Variants in SLC12A6 observed in about 807,000 individuals in gnomAD.
SLC12A6 encodes K-Cl cotransporter 3.
A neutral mutation model predicts 135.3 loss-of-function variants in SLC12A6; 66 were observed. The observed-to-expected ratio is 0.49, with a 90% confidence interval of 0.40 to 0.60. The LOEUF is 0.60. Ranked by LOEUF, SLC12A6 falls within the 20% of genes least tolerant of loss-of-function variation. The pLI is 0.00. For missense variants in SLC12A6, 1,058 were observed against 1,452.3 expected, an observed-to-expected ratio of 0.73 and a Z score of 4.41; for synonymous variants, 513 against 508.8, an observed-to-expected ratio of 1.01 and a Z score of -0.11.
chr15:34,308,051 T>C (rs1213754255), intron 2 of SLC12A6, among the ~76,000 whole-genome samples: 1 of 152,226 alleles, frequency 6.6e-6, no homozygotes, highest in Non-Finnish European at 1.5e-5. Flanking sequence ...AGAAAGAATT[T>C]AGTTTTTACT....
intron 3 of SLC12A6, among the ~76,000 whole-genome samples, chr15:34,271,630 G>C (rs557718475): frequency 3.1e-4 from 30 of 98,350 alleles, no homozygotes; most frequent in South Asian, 2.2e-3. Flanking sequence ...CACACACACA[G>C]AAAAGTTCAT....
intron 20 of SLC12A6, 98 bp downstream of exon 20, chr15:34,238,867 A>G (rs1891451895): frequency 9.4e-7 from 1 of 1,058,520 alleles, no homozygotes. Flanking sequence ...ATGCTTCAGC[A>G]ATGGCATAGT....
chr15:34,247,403 G>A (rs8043238), intron 13 of SLC12A6, among the ~76,000 whole-genome samples: 145,287 of 150,284 alleles, frequency 0.97, 70,396 homozygotes, highest in South Asian at 1. Context: ...TGTAGTCCCA[G>A]CTACTCGGGA....
chr15:34,321,751 T>C (rs1254704571), intron 2 of SLC12A6, among the ~76,000 whole-genome samples: 3 of 152,222 alleles, frequency 2.0e-5, no homozygotes, highest in East Asian at 1.9e-4. Flanking sequence ...AAGTGTGATA[T>C]AGTCATACAA....
intron 2 of SLC12A6, among the ~76,000 whole-genome samples, chr15:34,298,216 C>T (rs1490542855): frequency 6.6e-6 from 1 of 152,116 alleles, no homozygotes; most frequent in South Asian, 2.1e-4. Flanking sequence ...GCCGCTCACA[C>T]CTGTAATCCC....
At chr15:34,313,208 T>G (rs1042495947) in intron 2 of SLC12A6, among the ~76,000 whole-genome samples, 1 of 151,718 alleles carries the variant, frequency 6.6e-6, no homozygotes, top group African/African-American at 2.4e-5. Flanking sequence ...GCTATGTCTC[T>G]TGCACTAAAG....
Position 34,243,967 on chromosome 15 carries a change from G to C in SLC12A6, c.2042+7C>G, listed in dbSNP as rs759043234. 3.3e-6 allele frequency: 5 copies of C among 1,497,936 alleles called. No homozygotes were observed. In the South Asian group the frequency reaches 5.6e-5, roughly 17 times the overall value. The allele number at this position is 1,497,936 out of a possible 1,614,324, so 92.8% of individuals were successfully genotyped here. ...GTGAGTAAAAAGAATAAAAGAAGCA[G>C]ACTTACCAATGGTAGTAGCGGAATC... On this transcript the variant is annotated splice_region_variant and intron_variant, in intron 16 of 25. Transcript: ENST00000354181.
At chr15:34,238,206 T>G (rs1891404607) in intron 21 of SLC12A6, 26 bp downstream of exon 21, 1 of 1,558,234 alleles carries the variant, frequency 6.4e-7, no homozygotes. Context: ...GAAAGACTTT[T>G]GTAAAAAAAA....
chr15:34,285,704 G>T (rs900405177), intron 2 of SLC12A6, among the ~76,000 whole-genome samples: 1 of 628 alleles, frequency 1.6e-3, no homozygotes, highest in Non-Finnish European at 2.7e-3. Flanking sequence ...GTGTGTGTGT[G>T]TGTGTGTGTT....
chr15:34,293,010 G>A (rs1392221838), intron 2 of SLC12A6, among the ~76,000 whole-genome samples: 2 of 152,120 alleles, frequency 1.3e-5, no homozygotes, highest in African/African-American at 2.4e-5. Flanking sequence ...CTCACCCTCC[G>A]TGGGCTGCAC....
chr15:34,315,282 T>G (rs536703900), intron 2 of SLC12A6, among the ~76,000 whole-genome samples: 3 of 152,328 alleles, frequency 2.0e-5, no homozygotes, highest in African/African-American at 7.2e-5. Flanking sequence ...GTTGTTCTAT[T>G]TTAAGAAATT....
chr15:34,269,556 A>G lies in SLC12A6; in HGVS notation c.316+5789T>C, dbSNP rs115429668. On this transcript the variant is annotated intron_variant, in intron 3 of 25. Coordinates refer to ENST00000354181, the MANE Select transcript of SLC12A6 (RefSeq NM_001365088.1). ...CTTGGCACAGGTTTGGGTTTGTACT[A>G]TGTGACTATGTGAATCTGAAAGGTT... Among the ~76,000 whole-genome samples the G allele has an allele frequency of 6.9e-3, 1,046 of 152,300 alleles. 14 individuals carry two copies. The highest frequency in any genetic ancestry group is 0.023 in the African/African-American group (975 of 41,552).
In SLC12A6 at chr15:34,236,180, C is replaced by T. The variant is rs1891249984; in HGVS notation, c.3062G>A (p.Arg1021Gln). The change falls in exon 24 of 26, where the codon CGA (arginine) becomes CAA (glutamine). Residue 1021 changes from arginine to glutamine, a missense_variant. Around this residue, in one of 6 missense-constraint regions of SLC12A6, gnomAD observed 245 missense variants for 440.8 expected, o/e 0.56. Coordinates refer to ENST00000354181, the MANE Select transcript of SLC12A6 (RefSeq NM_001365088.1). ...RDREAQLVKDRNSMLRLTSIG... is the reference protein window; with the variant it reads ...RDREAQLVKDQNSMLRLTSIG... ...GCTGGTCAATCGTAGCATTGAGTTT[C>T]GGTCTTTCACCAATTGTGCCTGAGG... The T allele has an allele frequency of 1.9e-6, 3 of 1,613,848 alleles. No homozygotes were observed. Among genetic ancestry groups the T allele is most frequent in the South Asian group, 1.1e-5 (1 of 91,076 alleles).
intron 2 of SLC12A6, among the ~76,000 whole-genome samples, chr15:34,327,723 G>T (rs943725701): frequency 1.3e-5 from 2 of 152,018 alleles, no homozygotes; most frequent in African/African-American, 2.4e-5. Context: ...GTAAATTTTG[G>T]TTAGATTCAA....
chr15:34,243,303 G>A (rs917069267), intron 16 of SLC12A6, among the ~76,000 whole-genome samples: 4 of 152,104 alleles, frequency 2.6e-5, no homozygotes, highest in African/African-American at 7.2e-5. Flanking sequence ...GCCCACCATT[G>A]GTAAGTGAAG....
chr15:34,293,554 T>C (rs1272566021), intron 2 of SLC12A6, among the ~76,000 whole-genome samples: 1 of 152,252 alleles, frequency 6.6e-6, no homozygotes, highest in African/African-American at 2.4e-5. Context: ...CCTGTCTGCC[T>C]TGGCCTCCCA....
chr15:34,289,941 G>T (rs934111302), intron 2 of SLC12A6, among the ~76,000 whole-genome samples: 2 of 152,010 alleles, frequency 1.3e-5, no homozygotes, highest in African/African-American at 4.8e-5. Flanking sequence ...TGGATTCATT[G>T]ATTTTTTTAA....
rs746976148 is a variant in SLC12A6, at chr15:34,250,686, A to C, written c.1536T>G (p.Ala512=). Residue 512 remains alanine (A), a synonymous_variant, in exon 12 of 26, where the codon GCT becomes GCG. Transcript: ENST00000354181. Reference sequence around the variant, plus strand: ...TAGTACCAATCGGAATAGACTTCTGAGCATCTTTCAGATCTCCAGATCTGT... The same window carrying C: ...TAGTACCAATCGGAATAGACTTCTGCGCATCTTTCAGATCTCCAGATCTGT... ...GSNRSGDLKD[A]QKSIPIGTIL... is the part of the protein sequence containing the mutation. 2 of 1,607,916 alleles carry C rather than the reference A, an allele frequency of 1.2e-6. No individual in the cohort carries two copies. Among genetic ancestry groups the C allele is most frequent in the Non-Finnish European group, 1.7e-6 (2 of 1,174,454 alleles).
At chr15:34,264,049 G>C (rs1893333640) in intron 3 of SLC12A6, among the ~76,000 whole-genome samples, 1 of 151,956 alleles carries the variant, frequency 6.6e-6, no homozygotes, top group Non-Finnish European at 1.5e-5. Context: ...TGCCTTTCTT[G>C]TGCCAACTGT....
Sources: allele counts gnomAD v4.1 joint callset (sites outside exome capture counted in the v4.1 genomes callset), GRCh38; gene constraint gnomAD v4.1.1; regional missense constraint gnomAD v4.1.1; transcripts MANE v1.5; gene names NCBI Gene and HGNC (gene_info 2026-07-23, HGNC 2026-07-21).